Variants in STK39 observed in about 807,000 individuals in gnomAD.
STK39 encodes the protein STE20/SPS1-related proline-alanine-rich protein kinase.
In STK39, 20 loss-of-function variants were observed where a neutral mutation model predicts 77.8. The observed-to-expected ratio is 0.26, with a 90% CI of 0.18 to 0.37. The LOEUF (loss-of-function observed/expected upper bound fraction) is 0.37, where lower values mean the gene tolerates loss of function less well. Ranked by LOEUF, STK39 falls within the 10% of genes least tolerant of loss-of-function variation. The probability of loss-of-function intolerance (pLI) is 1.00; values close to 1 mark genes in which losing one functional copy is unlikely to be tolerated. For synonymous variants in STK39, 246 were observed against 234.1 expected (o/e 1.05, Z -0.47); for missense variants, 479 against 656.5 (o/e 0.73, Z 2.95).
chr2:168,213,228 T>C (rs978772319), intron 1 of STK39, among the ~76,000 whole-genome samples: 9 of 152,222 alleles, frequency 5.9e-5, no homozygotes, highest in South Asian at 4.1e-4. Context: ...TACTAAGTGC[T>C]AGAGCACAAA....
chr2:168,225,938 T>C (rs1317084565), intron 1 of STK39, among the ~76,000 whole-genome samples: 1 of 152,084 alleles, frequency 6.6e-6, no homozygotes, highest in East Asian at 1.9e-4. Context: ...TTCTCAATCT[T>C]TGGGATTAAG....
intron 5 of STK39, among the ~76,000 whole-genome samples, chr2:168,151,866 G>T (rs1203127582): frequency 6.6e-6 from 1 of 152,138 alleles, no homozygotes; most frequent in Non-Finnish European, 1.5e-5. Flanking sequence ...AAGAATAAGT[G>T]GTGGTCAATG....
intron 10 of STK39, among the ~76,000 whole-genome samples, chr2:168,098,772 A>G (rs1686740875): frequency 6.6e-6 from 1 of 152,176 alleles, no homozygotes; most frequent in Non-Finnish European, 1.5e-5. Flanking sequence ...AATAATAAAA[A>G]AAAAATCCCA....
intron 1 of STK39, among the ~76,000 whole-genome samples, chr2:168,219,919 T>A (rs1165786886): frequency 6.6e-6 from 1 of 152,020 alleles, no homozygotes; most frequent in Non-Finnish European, 1.5e-5. Flanking sequence ...CTTTAAACTT[T>A]ATCATCCAAG....
intron 1 of STK39, among the ~76,000 whole-genome samples, chr2:168,223,548 T>C (rs1397842235): frequency 6.6e-6 from 1 of 151,494 alleles, no homozygotes; most frequent in Non-Finnish European, 1.5e-5. Flanking sequence ...AATTCACTTC[T>C]TATCCTGAAG....
intron 16 of STK39, among the ~76,000 whole-genome samples, chr2:167,970,657 T>C (rs1364099830): frequency 1.3e-5 from 2 of 152,220 alleles, no homozygotes; most frequent in African/African-American, 2.4e-5. Flanking sequence ...TCCGTACTTC[T>C]ATATTTGAGT....
intron 10 of STK39, among the ~76,000 whole-genome samples, chr2:168,078,285 C>CCCA (rs145516245): frequency 0.074 from 11,265 of 152,088 alleles, 741 homozygotes; most frequent in East Asian, 0.19. Flanking sequence ...AGTTCTGATT[C>CCCA]CAAGAAAAGA....
chr2:168,116,696 G>A (rs1046864816), intron 10 of STK39, among the ~76,000 whole-genome samples: 3 of 152,096 alleles, frequency 2.0e-5, no homozygotes, highest in African/African-American at 7.2e-5. Flanking sequence ...AGAGGCCAGG[G>A]CAGAGGGGCA....
At chr2:168,140,505 G>T in intron 6 of STK39, 115 bp from the exon 7 acceptor site, 3 of 1,161,762 alleles carry the variant, frequency 2.6e-6, no homozygotes, top group Admixed American at 4.0e-5. Flanking sequence ...ACGTTAGTTT[G>T]CTAATTAGCT....
chr2:168,161,895 A>G, intron 4 of STK39, 53 bp from the exon 5 acceptor site: 2 of 1,335,340 alleles, frequency 1.5e-6, no homozygotes, highest in Non-Finnish European at 2.1e-6. Flanking sequence ...TTTATAGTGT[A>G]TTGATTCACT....
intron 1 of STK39, among the ~76,000 whole-genome samples, chr2:168,221,512 C>T (rs188567572): frequency 2.6e-5 from 4 of 152,248 alleles, no homozygotes; most frequent in East Asian, 1.9e-4. Context: ...TGGAACAAGA[C>T]AACTAGTCCG....
intron 8 of STK39, among the ~76,000 whole-genome samples, chr2:168,132,586 C>T (rs1251450503): frequency 6.6e-6 from 1 of 152,210 alleles, no homozygotes; most frequent in African/African-American, 2.4e-5. Context: ...CACTGCTTTT[C>T]TTGCTTCCAA....
intron 12 of STK39, among the ~76,000 whole-genome samples, chr2:168,070,067 T>C (rs75037407): frequency 0.021 from 3,124 of 152,146 alleles, 113 homozygotes; most frequent in African/African-American, 0.072. Flanking sequence ...AAACCACTGG[T>C]CAAAAGAAGA....
chr2:168,239,173 A>G (rs1390496795), intron 1 of STK39, among the ~76,000 whole-genome samples: 3 of 152,210 alleles, frequency 2.0e-5, no homozygotes, highest in Non-Finnish European at 4.4e-5. Flanking sequence ...GATCGTCTCC[A>G]GCAGCCCTGA....
rs757052123 is a variant in STK39 at position 168,100,534 on chromosome 2, G to C, written c.1090-25303C>G. On this transcript the variant is annotated intron_variant, in intron 10 of 17. Transcript: ENST00000355999. ...CTGCCACGGCCTCCCAAAGTGTAGG[G>C]ATTACAGGTGTGAGTCACCTCACTC... 2.0e-5 allele frequency among the ~76,000 whole-genome samples: 3 copies of C among 152,284 alleles called. No individual in the cohort carries two copies. In the East Asian group the frequency reaches 5.8e-4, roughly 29 times the overall value.
chr2:168,055,899 C>T (rs1213587061), intron 14 of STK39, among the ~76,000 whole-genome samples: 1 of 152,148 alleles, frequency 6.6e-6, no homozygotes, highest in Non-Finnish European at 1.5e-5. Context: ...AGGTGGCCCA[C>T]TTGGTATTTT....
chr2:168,029,736 C>T (rs1167354877), intron 14 of STK39, among the ~76,000 whole-genome samples: 1 of 152,180 alleles, frequency 6.6e-6, no homozygotes, highest in Non-Finnish European at 1.5e-5. Context: ...GTCTGAAAGT[C>T]TATGTACTGA....
At chr2:168,121,723 G>A (rs114866830) in intron 10 of STK39, among the ~76,000 whole-genome samples, 469 of 152,150 alleles carry the variant, frequency 3.1e-3, no homozygotes, top group African/African-American at 0.011. Flanking sequence ...CCAGTCTTCC[G>A]TAGCCACAAT....
intron 12 of STK39, among the ~76,000 whole-genome samples, chr2:168,069,757 T>C (rs115586885): frequency 0.02 from 3,119 of 152,252 alleles, 109 homozygotes; most frequent in African/African-American, 0.072. Context: ...CTGGACATCA[T>C]CCCAAATTAC....
Sources: gnomAD v4.1 joint callset for allele counts (sites outside exome capture counted in the v4.1 genomes callset) on GRCh38, gnomAD v4.1.1 for gene constraint, MANE v1.5 for transcripts, NCBI Gene and HGNC (gene_info 2026-07-23, HGNC 2026-07-21) for gene names.